Variants in EHF observed in about 807,000 individuals in gnomAD.
EHF encodes the protein ESE3 transcription factor.
Under a neutral mutation model 45.1 loss-of-function variants are expected in EHF, and 14 were observed. That is an observed-to-expected ratio of 0.31 (90% confidence interval 0.21 to 0.49). The LOEUF (loss-of-function observed/expected upper bound fraction) is 0.49, where lower values mean the gene tolerates loss of function less well. EHF is among the 20% of genes least tolerant of loss of function. The probability of loss-of-function intolerance (pLI) is 0.99; values close to 1 mark genes in which losing one functional copy is unlikely to be tolerated. For missense variants in EHF, 282 were observed against 371.4 expected, an observed-to-expected ratio of 0.76 and a Z score of 1.98; for synonymous variants, 136 against 131.8, an observed-to-expected ratio of 1.03 and a Z score of -0.22.
At chr11:34,647,044 CAA>C (rs201974574) in intron 3 of EHF, 13 of 157,368 alleles carry the variant, frequency 8.3e-5, no homozygotes, top group Admixed American at 2.4e-4. Flanking sequence ...ATCATGGTTA[CAA>C]AAAAAAAAAC....
At chr11:34,651,109 A>G (rs964915311) in intron 4 of EHF, among the ~76,000 whole-genome samples, 1 of 149,858 alleles carries the variant, frequency 6.7e-6, no homozygotes, top group African/African-American at 2.4e-5. Flanking sequence ...TTAACCCCCC[A>G]AGGCCTCATT....
In EHF at chr11:34,661,249, G is replaced by A. The variant is rs922800501; in HGVS notation, c.*2318G>A. Among the ~76,000 whole-genome samples the A allele has an allele frequency of 6.6e-6, 1 of 152,182 alleles. No homozygotes were observed. The highest frequency in any genetic ancestry group is 1.5e-5 in the Non-Finnish European group (1 of 68,024). ...TGAATATTTGTGTGTCTGTGTGTGT[G>A]TCTGAGTTGTGTGATTTTATTAGGG... On this transcript the variant is annotated 3_prime_UTR_variant, in exon 9 of 9. Transcript: ENST00000257831.
intron 6 of EHF, among the ~76,000 whole-genome samples, chr11:34,654,527 G>A (rs1191457808): frequency 6.6e-6 from 1 of 152,136 alleles, no homozygotes; most frequent in Non-Finnish European, 1.5e-5. Context: ...TCCCCTTTAT[G>A]ATGATGGAAA....
intron 1 of EHF, among the ~76,000 whole-genome samples, chr11:34,626,166 A>AC (rs1415961469): frequency 6.6e-6 from 1 of 151,824 alleles, no homozygotes; most frequent in East Asian, 1.9e-4. Context: ...CTGCTTTTCC[A>AC]CCCCACTTTC....
At chr11:34,643,353 T>A (rs1279107271) in intron 2 of EHF, among the ~76,000 whole-genome samples, 1 of 150,500 alleles carries the variant, frequency 6.6e-6, no homozygotes, top group Non-Finnish European at 1.5e-5. Context: ...AATCTCTGAA[T>A]CAAGTTGTTG....
At chr11:34,634,234 C>T (rs923816587) in intron 1 of EHF, among the ~76,000 whole-genome samples, 2 of 151,966 alleles carry the variant, frequency 1.3e-5, no homozygotes, top group African/African-American at 4.8e-5. Flanking sequence ...AAACGACAGT[C>T]ATATTGAAAC....
In EHF at chr11:34,646,468, C is replaced by A. The variant is rs765881463; in HGVS notation, c.127C>A (p.His43Asn). The A allele has an allele frequency of 3.1e-6, 5 of 1,614,082 alleles. No individual in the cohort carries two copies. The highest frequency in any genetic ancestry group is 4.2e-6 in the Non-Finnish European group (5 of 1,179,982). The change falls in exon 3 of 9, where the codon CAT becomes AAT. Residue 43 changes from histidine (H) to asparagine (N), a missense_variant. Physicochemically the swap from His to Asn is moderately conservative, Grantham distance 68. Around this residue, in one of 3 missense-constraint regions of EHF, gnomAD observed 213 missense variants for 247.3 expected, o/e 0.86. Transcript: ENST00000257831. ...VSSGFFGGQW[H>N]EIHPQYWTKY... ...CAGTGGGTTTTTTGGAGGCCAGTGG[C>A]ATGAAATTCATCCTCAGTACTGGAC... is the stretch of plus-strand genomic sequence containing the variant.
chr11:34,627,629 A>G (rs1852492481), intron 1 of EHF, among the ~76,000 whole-genome samples: 1 of 152,116 alleles, frequency 6.6e-6, no homozygotes, highest in Non-Finnish European at 1.5e-5. Context: ...TGGTCATGCA[A>G]ATGTGGTTTC....
At chr11:34,634,590 T>C (rs192135612) in intron 1 of EHF, among the ~76,000 whole-genome samples, 1 of 152,262 alleles carries the variant, frequency 6.6e-6, no homozygotes, top group Non-Finnish European at 1.5e-5. Flanking sequence ...CCTTCACCCT[T>C]GCAGCAGGAG....
rs555819164 is a variant in EHF at position 34,647,068 on chromosome 11, A to C, written c.343+384A>C. Among the ~76,000 whole-genome samples, 483 of 147,232 alleles carry C rather than the reference A, an allele frequency of 3.3e-3. 3 individuals carry two copies. Among genetic ancestry groups the C allele is most frequent in the African/African-American group, 0.012 (463 of 38,364 alleles). On this transcript the variant is annotated intron_variant, in intron 3 of 8. Coordinates refer to ENST00000257831, the MANE Select transcript of EHF (RefSeq NM_012153.6). ...ACAAAAAAAAAAACAAAAAACAAAA[A>C]ACAAAACAAAACAAAACCCCCCCCA...
At chr11:34,633,479 G>T (rs1853099654) in intron 1 of EHF, among the ~76,000 whole-genome samples, 1 of 152,126 alleles carries the variant, frequency 6.6e-6, no homozygotes, top group South Asian at 2.1e-4. Flanking sequence ...GTTAAGGGAG[G>T]TTCTCAGAAA....
chr11:34,638,059 A>G (rs993587327), intron 1 of EHF, among the ~76,000 whole-genome samples: 7 of 151,686 alleles, frequency 4.6e-5, no homozygotes, highest in Admixed American at 2.0e-4. Context: ...GCACCACCAC[A>G]CCCAGCTAAT....
chr11:34,635,518 C>T (rs1853310990), intron 1 of EHF, among the ~76,000 whole-genome samples: 1 of 132,664 alleles, frequency 7.5e-6, no homozygotes, highest in Non-Finnish European at 1.6e-5. Context: ...ATGGTGCGAT[C>T]TCAGCTCACT....
chr11:34,650,424 T>C (rs1855033255), intron 4 of EHF, among the ~76,000 whole-genome samples: 1 of 152,168 alleles, frequency 6.6e-6, no homozygotes, highest in Non-Finnish European at 1.5e-5. Context: ...GCTTGGGGTG[T>C]CCAAACATGT....
At chr11:34,631,729 T>G (rs1852907242) in intron 1 of EHF, 1 of 224,818 alleles carries the variant, frequency 4.4e-6, no homozygotes, top group Admixed American at 6.5e-5. Flanking sequence ...GTAGGATGTC[T>G]GGGGGAGAGG....
intron 1 of EHF, among the ~76,000 whole-genome samples, chr11:34,626,213 G>T (rs1244976887): frequency 1.3e-5 from 2 of 152,148 alleles, no homozygotes; most frequent in Non-Finnish European, 2.9e-5. Context: ...TGGGGGCTGG[G>T]CTCTTGTTGG....
chr11:34,663,005 C>T lies in EHF; in HGVS notation c.*4074C>T, dbSNP rs773631587. 2.6e-5 allele frequency among the ~76,000 whole-genome samples: 4 copies of T among 152,002 alleles called. No homozygotes were observed. Among genetic ancestry groups the T allele is most frequent in the South Asian group, 2.1e-4 (1 of 4,818 alleles). ...GACTGTGTCTTATGAACCTCTGAAA[C>T]GTACAAGCCTTCACAAGTTTAACTA... is the stretch of plus-strand genomic sequence containing the variant. On this transcript the variant is annotated 3_prime_UTR_variant, in exon 9 of 9. Coordinates refer to ENST00000257831, the MANE Select transcript of EHF (RefSeq NM_012153.6).
chr11:34,628,032 A>C (rs982280805), intron 1 of EHF, among the ~76,000 whole-genome samples: 3 of 152,178 alleles, frequency 2.0e-5, no homozygotes, highest in Non-Finnish European at 2.9e-5. Flanking sequence ...CTTGCCATTA[A>C]AAATAATTAC....
intron 1 of EHF, chr11:34,622,353 T>G: frequency 8.1e-7 from 1 of 1,234,322 alleles, no homozygotes; most frequent in Non-Finnish European, 1.1e-6. Flanking sequence ...AGAAAGTGAG[T>G]GAATGGATTC....
Sources: allele counts gnomAD v4.1 joint callset (sites outside exome capture counted in the v4.1 genomes callset), GRCh38; gene constraint gnomAD v4.1.1; regional missense constraint gnomAD v4.1.1; transcripts MANE v1.5; gene names NCBI Gene and HGNC (gene_info 2026-07-23, HGNC 2026-07-21).